ATP10B: variants seen among roughly 807,000 people sequenced by gnomAD.
ATP10B encodes ATPase phospholipid transporting 10B (putative), also known as phospholipid-transporting ATPase VB.
A neutral mutation model predicts 141.2 loss-of-function variants in ATP10B; 122 were observed. That is an observed-to-expected ratio of 0.86 (90% CI 0.75 to 1.00). The LOEUF (loss-of-function observed/expected upper bound fraction) is 1.00. Among genes scored for constraint, ATP10B ranks in the 50% least tolerant of loss-of-function variants. ATP10B has a pLI of 0.00. For missense variants in ATP10B, 1,876 were observed against 1,825.3 expected (o/e 1.03, Z -0.51); for synonymous variants, 685 against 692.0 (o/e 0.99, Z 0.16).
intron 3 of ATP10B, among the ~76,000 whole-genome samples, chr5:160,708,726 A>G (rs1216660452): frequency 1.3e-5 from 2 of 152,158 alleles, no homozygotes; most frequent in Non-Finnish European, 2.9e-5. Context: ...AGTTAAATCT[A>G]TTCCGCCCTT....
chr5:160,766,371 CACACACACACACAGA>C (rs1561832078), intron 2 of ATP10B, among the ~76,000 whole-genome samples: 88 of 146,482 alleles, frequency 6.0e-4, no homozygotes, highest in African/African-American at 2.3e-3. Context: ...CACACACACA[CACACACACACACAGA>C]CACTCACCAT....
chr5:160,786,204 C>T (rs935347024), intron 1 of ATP10B, among the ~76,000 whole-genome samples: 2 of 152,104 alleles, frequency 1.3e-5, no homozygotes, highest in African/African-American at 4.8e-5. Context: ...AGTAGAAGGT[C>T]TCTTTCTACT....
chr5:160,569,533 C>T lies in ATP10B; in HGVS notation c.3901G>A (p.Val1301Ile), dbSNP rs374861631. 3.2e-5 allele frequency: 51 copies of T among 1,613,722 alleles called. No homozygotes were observed. Among genetic ancestry groups the T allele is most frequent in the African/African-American group, 6.7e-5 (5 of 74,896 alleles). Residue 1301 changes from valine (V) to isoleucine (I), a missense_variant, in exon 25 of 26, where the codon GTC (valine) becomes ATC (isoleucine). Physicochemically the swap from Val to Ile is conservative, Grantham distance 29 (BLOSUM62 3). Transcript: ENST00000327245. ...GQLSNPTFYLVCFLTPVVALL... is the reference protein window; with the variant it reads ...GQLSNPTFYLICFLTPVVALL... Reference sequence around the variant, plus strand: ...GCAACAACTGGTGTGAGAAAGCAGACGAGGTAGAAAGTGGGGTTTGAGAGC... The same window carrying T: ...GCAACAACTGGTGTGAGAAAGCAGATGAGGTAGAAAGTGGGGTTTGAGAGC...
intron 20 of ATP10B, among the ~76,000 whole-genome samples, chr5:160,603,447 A>AT (rs1757211564): frequency 6.6e-6 from 1 of 152,072 alleles, no homozygotes; most frequent in African/African-American, 2.4e-5. Context: ...TTTTTTTGCA[A>AT]TTTTTTTAAA....
chr5:160,862,446 C>G, the ATP10B span, among the ~76,000 whole-genome samples: 1 of 151,914 alleles, frequency 6.6e-6, no homozygotes, highest in Admixed American at 6.6e-5. Context: ...TCACATAAGT[C>G]AATTTCTTGC....
intron 2 of ATP10B, among the ~76,000 whole-genome samples, chr5:160,749,633 G>T (rs1248169259): frequency 6.6e-6 from 1 of 152,140 alleles, no homozygotes; most frequent in African/African-American, 2.4e-5. Flanking sequence ...GTGGGGCTGG[G>T]TCTCATACCT....
At chr5:160,782,265 G>A (rs1303468049) in intron 2 of ATP10B, among the ~76,000 whole-genome samples, 5 of 152,154 alleles carry the variant, frequency 3.3e-5, no homozygotes, top group Admixed American at 3.3e-4. Context: ...CCCACAGGGT[G>A]TTTACAGTTT....
At chr5:160,579,665 T>C (rs1755421957) in intron 24 of ATP10B, among the ~76,000 whole-genome samples, 2 of 152,328 alleles carry the variant, frequency 1.3e-5, no homozygotes, top group South Asian at 2.1e-4. Context: ...TTTGGTTCCA[T>C]ATGAAATTTA....
At chr5:160,827,176 A>AC (rs2127971211) in intron 1 of ATP10B, among the ~76,000 whole-genome samples, 1 of 152,226 alleles carries the variant, frequency 6.6e-6, no homozygotes, top group South Asian at 2.1e-4. Context: ...ATGTGATGTC[A>AC]CCCCCAGAGG....
At chr5:160,906,594 C>A in the ATP10B span, among the ~76,000 whole-genome samples, 1 of 152,212 alleles carries the variant, frequency 6.6e-6, no homozygotes, top group Non-Finnish European at 1.5e-5. Context: ...CAGATCTATA[C>A]ACCCATCTCT....
At chr5:160,759,140 G>A (rs981333552) in intron 2 of ATP10B, among the ~76,000 whole-genome samples, 7 of 152,182 alleles carry the variant, frequency 4.6e-5, no homozygotes, top group Non-Finnish European at 7.4e-5. Context: ...GGTTAGATTT[G>A]TCTTTCTGGG....
At position 160,654,069 on chromosome 5, in the gene ATP10B, G is replaced by A. The variant is rs35821301; in HGVS notation, c.676-4813C>T. 2.7e-3 allele frequency among the ~76,000 whole-genome samples: 248 copies of A among 93,330 alleles called. 68 individuals carry two copies. Among genetic ancestry groups the A allele is most frequent in the African/African-American group, 3.6e-3 (96 of 26,810 alleles). The allele number at this position is 93,330 out of a possible 152,430, so 61.2% of individuals were successfully genotyped here. A position where few individuals can be genotyped will look rare whatever the true frequency, so the allele number is the denominator to read the frequency against. ...ATATATAAATATATGTTGTATATAC[G>A]TATATACATATAAATATATGTTGTA... On this transcript the variant is annotated intron_variant, in intron 7 of 25. Transcript: ENST00000327245.
At chr5:160,621,129 G>A (rs1314614967) in intron 14 of ATP10B, among the ~76,000 whole-genome samples, 179 bp from the exon 15 acceptor site, 1 of 152,182 alleles carries the variant, frequency 6.6e-6, no homozygotes, top group African/African-American at 2.4e-5. Flanking sequence ...ATCCCACTGT[G>A]AGCGTGGAGA....
intron 2 of ATP10B, among the ~76,000 whole-genome samples, chr5:160,781,145 G>T (rs1770688123): frequency 6.6e-6 from 1 of 152,182 alleles, no homozygotes; most frequent in African/African-American, 2.4e-5. Flanking sequence ...CCAGGTGAAT[G>T]ACCACAAGGA....
the ATP10B span, among the ~76,000 whole-genome samples, chr5:160,871,950 A>C: frequency 6.6e-6 from 1 of 152,088 alleles, no homozygotes; most frequent in Non-Finnish European, 1.5e-5. Flanking sequence ...TTCTACTTTT[A>C]GTTATTTAAG....
chr5:160,653,279 A>G (rs1048272280), intron 7 of ATP10B, among the ~76,000 whole-genome samples: 3 of 133,168 alleles, frequency 2.3e-5, no homozygotes, highest in African/African-American at 8.6e-5. Flanking sequence ...ACATACATAC[A>G]TAGGTAGTAT....
At chr5:160,848,640 C>T (rs1270642025) in intron 1 of ATP10B, among the ~76,000 whole-genome samples, 1 of 152,146 alleles carries the variant, frequency 6.6e-6, no homozygotes, top group Non-Finnish European at 1.5e-5. Flanking sequence ...AAAACTATTG[C>T]TGAGTTTTAG....
intron 3 of ATP10B, among the ~76,000 whole-genome samples, chr5:160,692,268 T>G (rs1764117358): frequency 6.6e-6 from 1 of 152,146 alleles, no homozygotes; most frequent in Non-Finnish European, 1.5e-5. Context: ...AACTAAATAT[T>G]TATATAGTTT....
At chr5:160,791,102 GC>G (rs11286323) in intron 1 of ATP10B, among the ~76,000 whole-genome samples, 17,963 of 152,116 alleles carry the variant, frequency 0.12, 1,126 homozygotes, top group East Asian at 0.13. Flanking sequence ...TCCTACAACT[GC>G]CAAGGAACAA....
Sources: gnomAD v4.1 joint callset for allele counts (sites outside exome capture counted in the v4.1 genomes callset) on GRCh38, gnomAD v4.1.1 for gene constraint, MANE v1.5 for transcripts, NCBI Gene and HGNC (gene_info 2026-07-23, HGNC 2026-07-21) for gene names.